The following TMEM117 variants were observed in gnomAD, a reference collection of about 807,000 sequenced individuals.
TMEM117 encodes transmembrane protein 117.
Under a neutral mutation model 52.4 loss-of-function variants are expected in TMEM117, and 27 were observed. The ratio of observed to expected loss-of-function variants is 0.51; its 90% CI spans 0.38 to 0.71. TMEM117 has a LOEUF of 0.71. Among genes scored for constraint, TMEM117 ranks in the 30% least tolerant of loss-of-function variants. The probability of loss-of-function intolerance (pLI) is 0.00; values close to 1 mark genes in which losing one functional copy is unlikely to be tolerated. For synonymous variants in TMEM117, 215 were observed against 206.3 expected, an observed-to-expected ratio of 1.04 and a Z score of -0.36; for missense variants, 556 against 630.5, an observed-to-expected ratio of 0.88 and a Z score of 1.26.
chr12:43,840,826 T>C (rs1943105368), intron 1 of TMEM117, among the ~76,000 whole-genome samples: 1 of 152,246 alleles, frequency 6.6e-6, no homozygotes, highest in Admixed American at 6.5e-5. Flanking sequence ...TTTTGCAGAC[T>C]ATGTGCCCTG....
chr12:43,877,326 T>C (rs549140485), intron 2 of TMEM117, among the ~76,000 whole-genome samples: 1 of 152,260 alleles, frequency 6.6e-6, no homozygotes, highest in Admixed American at 6.5e-5. Flanking sequence ...TGAGAGAATC[T>C]ATCTCATAGA....
chr12:44,369,156 T>C lies in TMEM117; in HGVS notation c.769-7439T>C, dbSNP rs559244355. ...TCCATTATTCCTAGATGCCACATGA[T>C]GCATTTCTATTCGTTGTAAACACTT... On this transcript the variant is annotated intron_variant, in intron 6 of 7. Transcript: ENST00000266534. 4.1e-4 allele frequency among the ~76,000 whole-genome samples: 62 copies of C among 152,312 alleles called. 1 individual carries two copies. In the Middle Eastern group the frequency reaches 0.014, roughly 33 times the overall value.
the TMEM117 span, chr12:43,806,391 G>C: frequency 1.7e-6 from 2 of 1,181,168 alleles, no homozygotes; most frequent in Non-Finnish European, 2.1e-6. Context: ...GGTTGACTGA[G>C]TGCCCGAGCG....
chr12:43,804,260 A>G, the TMEM117 span: 65 of 517,464 alleles, frequency 1.3e-4, no homozygotes, highest in Non-Finnish European at 1.4e-4. Flanking sequence ...AAAAAGTAAA[A>G]GAGGAAGAAG....
chr12:43,829,914 C>T, the TMEM117 span, among the ~76,000 whole-genome samples: 1 of 151,712 alleles, frequency 6.6e-6, no homozygotes, highest in Non-Finnish European at 1.5e-5. Context: ...ATGGTGAAAC[C>T]CCGTCTCTAC....
At chr12:44,133,931 T>G (rs1388846404) in intron 3 of TMEM117, among the ~76,000 whole-genome samples, 1 of 152,194 alleles carries the variant, frequency 6.6e-6, no homozygotes, top group Non-Finnish European at 1.5e-5. Flanking sequence ...TATCTTCTTG[T>G]TACCTTTTTC....
the TMEM117 span, chr12:43,806,097 C>T: frequency 1.2e-5 from 18 of 1,521,130 alleles, no homozygotes; most frequent in Non-Finnish European, 1.6e-5. Flanking sequence ...AGGCCCGGCT[C>T]GCCCCGCGAG....
the TMEM117 span, among the ~76,000 whole-genome samples, chr12:44,396,797 T>C: frequency 6.8e-6 from 1 of 147,894 alleles, no homozygotes; most frequent in African/African-American, 2.5e-5. Context: ...GAGGTTGCAG[T>C]GAGCCGAGAT....
At chr12:44,135,573 G>GTAGC (rs1391292744) in intron 3 of TMEM117, among the ~76,000 whole-genome samples, 1 of 152,024 alleles carries the variant, frequency 6.6e-6, no homozygotes, top group Non-Finnish European at 1.5e-5. Context: ...ATAGTGTTGA[G>GTAGC]TAGCTACAGG....
chr12:43,943,515 A>G (rs747452747), intron 2 of TMEM117, among the ~76,000 whole-genome samples: 1 of 152,212 alleles, frequency 6.6e-6, no homozygotes, highest in Non-Finnish European at 1.5e-5. Context: ...TTTGCATCTT[A>G]ACATTCTCTC....
chr12:44,364,988 G>A (rs891436853), intron 6 of TMEM117, among the ~76,000 whole-genome samples: 1 of 152,044 alleles, frequency 6.6e-6, no homozygotes, highest in East Asian at 1.9e-4. Context: ...AGTGATATAG[G>A]AATCTGATAT....
chr12:44,308,987 A>C (rs1178852274), intron 6 of TMEM117, among the ~76,000 whole-genome samples: 1 of 152,174 alleles, frequency 6.6e-6, no homozygotes, highest in African/African-American at 2.4e-5. Context: ...TGAGCTTTTT[A>C]AGTTACAATG....
At chr12:44,302,855 T>G (rs1320797346) in intron 6 of TMEM117, among the ~76,000 whole-genome samples, 9 of 152,164 alleles carry the variant, frequency 5.9e-5, no homozygotes, top group Admixed American at 5.9e-4. Flanking sequence ...TCCTAACAAG[T>G]TCACAACCAA....
chr12:44,259,320 C>A (rs1015220964), intron 5 of TMEM117, among the ~76,000 whole-genome samples: 4 of 152,106 alleles, frequency 2.6e-5, no homozygotes, highest in Non-Finnish European at 5.9e-5. Flanking sequence ...ATTATAACTG[C>A]AGTTTTAAGA....
chr12:43,870,297 G>T (rs953785091), intron 2 of TMEM117, among the ~76,000 whole-genome samples: 1 of 150,222 alleles, frequency 6.7e-6, no homozygotes. Context: ...GTCTAGGCCT[G>T]TCGCCAGGCT....
intron 3 of TMEM117, among the ~76,000 whole-genome samples, chr12:44,090,094 C>A (rs1237821850): frequency 6.6e-6 from 1 of 152,056 alleles, no homozygotes; most frequent in Non-Finnish European, 1.5e-5. Context: ...TTTTTCTATT[C>A]CACACATCAA....
chr12:44,244,839 G>A (rs770641833), intron 5 of TMEM117, among the ~76,000 whole-genome samples: 1 of 151,964 alleles, frequency 6.6e-6, no homozygotes, highest in Non-Finnish European at 1.5e-5. Context: ...TTAGGTTTAA[G>A]TCTTTAACTC....
intron 3 of TMEM117, among the ~76,000 whole-genome samples, chr12:44,079,288 A>G (rs966122576): frequency 6.6e-6 from 1 of 152,170 alleles, no homozygotes; most frequent in South Asian, 2.1e-4. Context: ...GAATTGCCAC[A>G]CTGTCTTCCA....
chr12:43,938,747 C>A (rs1210985595), intron 2 of TMEM117, among the ~76,000 whole-genome samples: 4 of 152,028 alleles, frequency 2.6e-5, no homozygotes, highest in African/African-American at 4.8e-5. Flanking sequence ...TGCCTGTAAT[C>A]CCAGCACTTT....
Sources: gnomAD v4.1 joint callset for allele counts (sites outside exome capture counted in the v4.1 genomes callset) on GRCh38, gnomAD v4.1.1 for gene constraint, MANE v1.5 for transcripts, NCBI Gene and HGNC (gene_info 2026-07-23, HGNC 2026-07-21) for gene names.